Variants in CMSS1 observed in about 807,000 individuals in gnomAD.
The protein encoded by CMSS1 is cms1 ribosomal small subunit homolog, also known as protein CMSS1.
CMSS1 carries 33 observed loss-of-function variants against 43.5 expected under a neutral mutation model. The observed-to-expected ratio is 0.76, with a 90% CI of 0.57 to 1.01. CMSS1 has a LOEUF of 1.01. Ranked by LOEUF, CMSS1 falls within the 50% of genes least tolerant of loss-of-function variation. CMSS1 has a pLI of 0.00. For synonymous variants in CMSS1, 115 were observed against 117.2 expected (o/e 0.98, Z 0.12); for missense variants, 313 against 326.4 (o/e 0.96, Z 0.32).
intron 1 of CMSS1, among the ~76,000 whole-genome samples, chr3:100,133,380 A>G (rs1576094033): frequency 2.0e-5 from 3 of 152,282 alleles, no homozygotes; most frequent in Middle Eastern, 6.8e-3. Flanking sequence ...CAGAGACAGA[A>G]CAAAAGTAAA....
chr3:100,051,927 G>A (rs1264453136), intron 1 of CMSS1, among the ~76,000 whole-genome samples: 1 of 148,242 alleles, frequency 6.7e-6, no homozygotes, highest in Non-Finnish European at 1.5e-5. Context: ...TAAAATATAT[G>A]TTTATAATAT....
intron 1 of CMSS1, among the ~76,000 whole-genome samples, chr3:99,841,002 A>G (rs779658731): frequency 1.2e-4 from 18 of 152,228 alleles, no homozygotes; most frequent in Non-Finnish European, 2.4e-4. Context: ...TGCCCAGGTT[A>G]ATAAGCTCTT....
chr3:100,105,487 G>T (rs982672095), intron 1 of CMSS1, among the ~76,000 whole-genome samples: 2 of 152,158 alleles, frequency 1.3e-5, no homozygotes, highest in African/African-American at 2.4e-5. Flanking sequence ...TAATTCTGGG[G>T]CAAAAGGGAC....
chr3:100,014,827 G>C (rs1285235666), intron 1 of CMSS1, among the ~76,000 whole-genome samples: 2 of 75,794 alleles, frequency 2.6e-5, no homozygotes, highest in Non-Finnish European at 5.5e-5. Flanking sequence ...TTTTTTTGCT[G>C]TGTCAAAACT....
At chr3:99,878,466 G>A (rs1013405446) in intron 1 of CMSS1, among the ~76,000 whole-genome samples, 1 of 152,192 alleles carries the variant, frequency 6.6e-6, no homozygotes, top group Non-Finnish European at 1.5e-5. Context: ...TACATATATA[G>A]TCTTACATAT....
rs1942509502 is a variant in CMSS1 at position 99,824,931 on chromosome 3, A to G, written c.64+6888A>G. On this transcript the variant is annotated intron_variant, in intron 1 of 9. Coordinates refer to ENST00000421999, the MANE Select transcript of CMSS1 (RefSeq NM_032359.4). ...TATCATTTTATGGTATATTCTTCAA[A>G]TTATATTGCTTTATCCATGGTGAAT... Among the ~76,000 whole-genome samples the G allele has an allele frequency of 2.0e-5, 3 of 152,184 alleles. No homozygotes were observed. In the South Asian group the frequency reaches 6.2e-4, roughly 32 times the overall value.
intron 1 of CMSS1, among the ~76,000 whole-genome samples, chr3:99,951,498 T>A (rs1403007346): frequency 6.6e-6 from 1 of 152,142 alleles, no homozygotes; most frequent in Non-Finnish European, 1.5e-5. Flanking sequence ...TAGTCCAGTC[T>A]CCCTGGTAAA....
intron 1 of CMSS1, among the ~76,000 whole-genome samples, chr3:100,042,398 G>A (rs1182392121): frequency 6.6e-6 from 1 of 152,170 alleles, no homozygotes; most frequent in Non-Finnish European, 1.5e-5. Context: ...GTTATCTGAT[G>A]TTTCGTCAGC....
chr3:100,128,834 A>G (rs764200651), intron 1 of CMSS1, among the ~76,000 whole-genome samples: 4 of 152,354 alleles, frequency 2.6e-5, no homozygotes, highest in Non-Finnish European at 4.4e-5. Flanking sequence ...TTTGTCAGCT[A>G]TCTATTCCTT....
intron 1 of CMSS1, among the ~76,000 whole-genome samples, chr3:100,096,053 A>G (rs997588562): frequency 1.3e-5 from 2 of 152,228 alleles, no homozygotes; most frequent in Non-Finnish European, 2.9e-5. Flanking sequence ...AGAAAACTGC[A>G]CATCAAAACT....
chr3:100,062,953 T>A (rs951993581), intron 1 of CMSS1, among the ~76,000 whole-genome samples: 1 of 152,208 alleles, frequency 6.6e-6, no homozygotes, highest in Non-Finnish European at 1.5e-5. Flanking sequence ...AGACGTTTTG[T>A]TCAGCACGAA....
chr3:100,076,750 A>G (rs1475908836), intron 1 of CMSS1, among the ~76,000 whole-genome samples: 1 of 152,196 alleles, frequency 6.6e-6, no homozygotes, highest in Non-Finnish European at 1.5e-5. Flanking sequence ...CATGTGAGGA[A>G]CTTATTAATG....
At chr3:100,135,815 A>G (rs1018251735) in intron 1 of CMSS1, among the ~76,000 whole-genome samples, 2 of 152,124 alleles carry the variant, frequency 1.3e-5, no homozygotes, top group African/African-American at 2.4e-5. Context: ...GTGTTTTTCA[A>G]ATGATCTTTT....
intron 8 of CMSS1, among the ~76,000 whole-genome samples, chr3:100,173,331 C>G (rs1233679193): frequency 2.0e-5 from 3 of 152,176 alleles, no homozygotes; most frequent in Non-Finnish European, 4.4e-5. Context: ...ACGCTTGACA[C>G]CCTTACATAT....
chr3:99,925,140 C>T (rs982080464), intron 1 of CMSS1, among the ~76,000 whole-genome samples: 3 of 152,148 alleles, frequency 2.0e-5, no homozygotes, highest in Non-Finnish European at 2.9e-5. Context: ...CCTCTTGGAT[C>T]GCTCTACCAG....
intron 1 of CMSS1, among the ~76,000 whole-genome samples, chr3:100,101,979 C>G (rs1174203509): frequency 6.6e-6 from 1 of 152,176 alleles, no homozygotes; most frequent in East Asian, 1.9e-4. Flanking sequence ...CATAGTATTC[C>G]ATGGTGTATA....
rs1225460644 is a variant in CMSS1 at position 100,179,829 on chromosome 3, C to T, written c.*1441C>T. 1.3e-5 allele frequency: 2 copies of T among 152,316 alleles called. No individual in the cohort carries two copies. The highest frequency in any genetic ancestry group is 6.5e-5 in the Admixed American group (1 of 15,292). 9.4% of individuals were successfully genotyped at this position (152,316 alleles called of 1,614,324 possible). A position where few individuals can be genotyped will look rare whatever the true frequency, so the allele number is the denominator to read the frequency against. ...TAGGGTCTCCAACCCCACATTTCCCCTCTGCACTGCCCTAGTAGAGGCTCT... is the reference window on the plus strand; with the variant it reads ...TAGGGTCTCCAACCCCACATTTCCCTTCTGCACTGCCCTAGTAGAGGCTCT... On this transcript the variant is annotated 3_prime_UTR_variant, in exon 10 of 10. Transcript: ENST00000421999.
Position 99,950,705 on chromosome 3 carries a change from C to T in CMSS1, c.64+132662C>T, listed in dbSNP as rs114325547. On this transcript the variant is annotated intron_variant, in intron 1 of 9. Coordinates refer to ENST00000421999, the MANE Select transcript of CMSS1 (RefSeq NM_032359.4). Reference sequence around the variant, plus strand: ...GAGGCAGCCCACGATTCTCTTTACACGTTTCATATATTCAGAAAAAGCTGT... The same window carrying T: ...GAGGCAGCCCACGATTCTCTTTACATGTTTCATATATTCAGAAAAAGCTGT... Among the ~76,000 whole-genome samples, 380 of 152,278 alleles carry T rather than the reference C, an allele frequency of 2.5e-3. 4 individuals are homozygous for T. The highest frequency in any genetic ancestry group is 8.7e-3 in the African/African-American group (363 of 41,556).
chr3:99,957,957 C>T (rs914922191), intron 1 of CMSS1, among the ~76,000 whole-genome samples: 6 of 149,882 alleles, frequency 4.0e-5, no homozygotes, highest in African/African-American at 1.5e-4. Context: ...TGATATGAAA[C>T]AGCACATCAC....
Sources: allele counts gnomAD v4.1 joint callset (sites outside exome capture counted in the v4.1 genomes callset), GRCh38; gene constraint gnomAD v4.1.1; transcripts MANE v1.5; gene names NCBI Gene and HGNC (gene_info 2026-07-23, HGNC 2026-07-21).